MYO10: variants seen among roughly 807,000 people sequenced by gnomAD.
The protein encoded by MYO10 is myosin X.
Under a neutral mutation model 257.3 loss-of-function variants are expected in MYO10, and 133 were observed. The observed-to-expected ratio is 0.52, with a 90% CI of 0.45 to 0.60. MYO10 has a LOEUF of 0.60. Among genes scored for constraint, MYO10 ranks in the 20% least tolerant of loss-of-function variants. The pLI, the probability that MYO10 is intolerant of heterozygous loss-of-function variation, is 0.00. For synonymous variants in MYO10, 1,104 were observed against 1,028.6 expected, an observed-to-expected ratio of 1.07 and a Z score of -1.40; for missense variants, 2,399 against 2,635.7, an observed-to-expected ratio of 0.91 and a Z score of 1.97.
chr5:16,696,498 T>C (rs769959975), intron 26 of MYO10, among the ~76,000 whole-genome samples: 3 of 152,198 alleles, frequency 2.0e-5, no homozygotes, highest in Admixed American at 6.5e-5. Flanking sequence ...TGACCCTGAT[T>C]TTAATACTTT....
intron 1 of MYO10, among the ~76,000 whole-genome samples, chr5:16,921,764 T>C (rs2126801211): frequency 6.6e-6 from 1 of 152,140 alleles, no homozygotes; most frequent in South Asian, 2.1e-4. Context: ...TGCCTCCTAG[T>C]GATGTCTGAA....
chr5:16,794,743 G>A lies in MYO10; in HGVS notation c.370C>T (p.Arg124Cys), dbSNP rs192053260. ...EPATMEQYSR[R>C]HLGELPPHIF... is the part of the protein sequence containing the mutation. ...TGCGGGGGCAGCTCGCCCAGGTGGC[G>A]CCGGCTGTACTGCTCCATGGTGGCA... The change falls in exon 4 of 41, where the codon CGC becomes TGC. Residue 124 changes from arginine (R) to cysteine (C), a missense_variant. Transcript: ENST00000513610. The A allele has an allele frequency of 3.9e-5, 63 of 1,612,638 alleles. No homozygotes were observed. The African/African-American group carries it at 6.5e-4, about 17-fold the overall frequency.
At chr5:16,923,380 G>C (rs2126802544) in intron 1 of MYO10, among the ~76,000 whole-genome samples, 1 of 151,590 alleles carries the variant, frequency 6.6e-6, no homozygotes, top group Non-Finnish European at 1.5e-5. Flanking sequence ...TCCGCCTCCT[G>C]GGTTCATGCC....
intron 35 of MYO10, among the ~76,000 whole-genome samples, chr5:16,674,091 A>G (rs767760527): frequency 2.0e-5 from 3 of 152,168 alleles, no homozygotes; most frequent in Non-Finnish European, 4.4e-5. Flanking sequence ...TAAAGAGCCA[A>G]TGTCTCACTG....
intron 19 of MYO10, among the ~76,000 whole-genome samples, chr5:16,717,690 C>T (rs1328779098): frequency 6.6e-6 from 1 of 152,116 alleles, no homozygotes; most frequent in Admixed American, 6.5e-5. Flanking sequence ...CCTTACTTCG[C>T]ATATCAACCT....
Position 16,681,851 on chromosome 5 carries a change from G to A in MYO10, c.4189+20C>T, listed in dbSNP as rs368581565. ...AGGGGAGTCTGTTAAGCAGACCGAGGAAGCAGGGCAGGCAGTCACCTCTCA... is the reference window on the plus strand; with the variant it reads ...AGGGGAGTCTGTTAAGCAGACCGAGAAAGCAGGGCAGGCAGTCACCTCTCA... On this transcript the variant is annotated intron_variant, in intron 31 of 40. Transcript: ENST00000513610. 54 of 1,611,968 alleles carry A rather than the reference G, an allele frequency of 3.3e-5. 1 individual carries two copies. In the African/African-American group the frequency reaches 3.7e-4, roughly 11 times the overall value.
At chr5:16,832,702 A>G (rs2126719400) in intron 2 of MYO10, among the ~76,000 whole-genome samples, 1 of 152,302 alleles carries the variant, frequency 6.6e-6, no homozygotes, top group African/African-American at 2.4e-5. Context: ...AGATCCCTTC[A>G]GGTAACATGG....
At chr5:16,790,886 GT>G (rs1741729388) in intron 4 of MYO10, among the ~76,000 whole-genome samples, 1 of 128,908 alleles carries the variant, frequency 7.8e-6, no homozygotes, top group Non-Finnish European at 1.6e-5. Flanking sequence ...ATTCAAGTAA[GT>G]TTTAAATTTA....
At chr5:16,905,304 T>C (rs188829322) in intron 1 of MYO10, among the ~76,000 whole-genome samples, 48 of 152,250 alleles carry the variant, frequency 3.2e-4, no homozygotes, top group Admixed American at 8.5e-4. Flanking sequence ...CAAAGCTCAC[T>C]GTTACTAATA....
chr5:16,915,383 C>T (rs1745786190), intron 1 of MYO10, among the ~76,000 whole-genome samples: 1 of 152,324 alleles, frequency 6.6e-6, no homozygotes, highest in East Asian at 1.9e-4. Context: ...AAGTTCCTCA[C>T]AGATGTCCTC....
At chr5:16,738,380 C>G in intron 19 of MYO10, 2 of 985,404 alleles carry the variant, frequency 2.0e-6, no homozygotes, top group Non-Finnish European at 2.4e-6. Context: ...AGAAGGGTAG[C>G]AAGTGCAGCC....
intron 3 of MYO10, among the ~76,000 whole-genome samples, chr5:16,801,136 T>C (rs1742106834): frequency 6.6e-6 from 1 of 152,076 alleles, no homozygotes; most frequent in African/African-American, 2.4e-5. Flanking sequence ...CAAAAAATGG[T>C]CAGGACCCTT....
At chr5:16,838,424 C>CCAGA (rs1365673694) in intron 2 of MYO10, among the ~76,000 whole-genome samples, 1 of 152,184 alleles carries the variant, frequency 6.6e-6, no homozygotes, top group Admixed American at 6.5e-5. Flanking sequence ...AAAGCTTAAT[C>CCAGA]CAGAGCAAGG....
chr5:16,811,739 T>C (rs960793251), intron 3 of MYO10, among the ~76,000 whole-genome samples: 4 of 152,126 alleles, frequency 2.6e-5, no homozygotes, highest in African/African-American at 9.7e-5. Flanking sequence ...TTTGTAGAGA[T>C]GGGACTTCGC....
chr5:16,833,863 G>A (rs1174721846), intron 2 of MYO10, among the ~76,000 whole-genome samples: 1 of 152,112 alleles, frequency 6.6e-6, no homozygotes, highest in African/African-American at 2.4e-5. Flanking sequence ...CACAGTTCTT[G>A]GTACTGTGTA....
chr5:16,720,906 G>A (rs1739130114), intron 19 of MYO10, among the ~76,000 whole-genome samples: 1 of 152,150 alleles, frequency 6.6e-6, no homozygotes, highest in Admixed American at 6.6e-5. Context: ...CATAAAATAT[G>A]TGAATTATGT....
chr5:16,755,109 CGAT>C (rs1740490797), intron 18 of MYO10, among the ~76,000 whole-genome samples: 1 of 152,056 alleles, frequency 6.6e-6, no homozygotes, highest in Admixed American at 6.5e-5. Flanking sequence ...TGAAATTATT[CGAT>C]AATACACCAA....
At chr5:16,823,812 T>C (rs993814025) in intron 2 of MYO10, among the ~76,000 whole-genome samples, 2 of 151,916 alleles carry the variant, frequency 1.3e-5, no homozygotes, top group Non-Finnish European at 2.9e-5. Flanking sequence ...ATGGAACTTT[T>C]CCTGAAGGAA....
chr5:16,672,754 G>GTTGTA lies in MYO10; in HGVS notation c.5239_5243dup (p.Gly1749ThrfsTer15). ...TTTCAATGGCTTTGTCGACGTGGCC[G>GTTGTA]TTGTATTCAAACAAAGCAAACATGT... On this transcript the variant is annotated frameshift_variant, in exon 37 of 41. Coordinates refer to ENST00000513610, the MANE Select transcript of MYO10 (RefSeq NM_012334.3). LOFTEE classifies it high-confidence loss of function. The GTTGTA allele has an allele frequency of 6.2e-7, 1 of 1,613,958 alleles. No homozygotes were observed. Among genetic ancestry groups the GTTGTA allele is most frequent in the Non-Finnish European group, 8.5e-7 (1 of 1,179,868 alleles).
Sources: allele counts gnomAD v4.1 joint callset (sites outside exome capture counted in the v4.1 genomes callset), GRCh38; gene constraint gnomAD v4.1.1; transcripts MANE v1.5; gene names NCBI Gene and HGNC (gene_info 2026-07-23, HGNC 2026-07-21).